The following SEMA6D variants were observed in gnomAD, a reference collection of about 807,000 sequenced individuals.
The protein encoded by SEMA6D is semaphorin-6D.
Under a neutral mutation model 106.6 loss-of-function variants are expected in SEMA6D, and 35 were observed. That is an observed-to-expected ratio of 0.33 (90% CI 0.25 to 0.44). The LOEUF (loss-of-function observed/expected upper bound fraction) is 0.44. SEMA6D is among the 20% of genes least tolerant of loss of function. The pLI, the probability that SEMA6D is intolerant of heterozygous loss-of-function variation, is 1.00. For synonymous variants in SEMA6D, 499 were observed against 487.7 expected, an observed-to-expected ratio of 1.02 and a Z score of -0.31; for missense variants, 1,185 against 1,345.9, an observed-to-expected ratio of 0.88 and a Z score of 1.87.
At chr15:47,677,176 G>A (rs1402474653) in intron 4 of SEMA6D, among the ~76,000 whole-genome samples, 1 of 152,150 alleles carries the variant, frequency 6.6e-6, no homozygotes, top group African/African-American at 2.4e-5. Flanking sequence ...GTACCAGTCT[G>A]CGACCTGGAG....
chr15:47,230,626 C>T (rs1306491845), intron 1 of SEMA6D, among the ~76,000 whole-genome samples: 2 of 152,038 alleles, frequency 1.3e-5, no homozygotes, highest in African/African-American at 4.8e-5. Context: ...TTATACTCTG[C>T]TTTCTAAGTC....
intron 3 of SEMA6D, among the ~76,000 whole-genome samples, chr15:47,560,798 G>A (rs1406288011): frequency 6.6e-6 from 1 of 151,942 alleles, no homozygotes; most frequent in African/African-American, 2.4e-5. Flanking sequence ...CCTTATAAAA[G>A]GGGGAACTTT....
intron 1 of SEMA6D, among the ~76,000 whole-genome samples, chr15:47,389,484 C>A (rs1329043679): frequency 6.6e-6 from 1 of 151,692 alleles, no homozygotes; most frequent in Non-Finnish European, 1.5e-5. Flanking sequence ...TTCTAGGAAT[C>A]CACTCACTCA....
chr15:47,417,900 A>T (rs763740456), intron 2 of SEMA6D, among the ~76,000 whole-genome samples: 1 of 151,774 alleles, frequency 6.6e-6, no homozygotes, highest in Non-Finnish European at 1.5e-5. Context: ...TGTTTTGTGT[A>T]TTGGGGATAC....
intron 3 of SEMA6D, among the ~76,000 whole-genome samples, chr15:47,552,721 A>G (rs1292969017): frequency 7.3e-6 from 1 of 136,670 alleles, no homozygotes; most frequent in Non-Finnish European, 1.5e-5. Context: ...GAGACATTTC[A>G]TCAGCACAAA....
At chr15:47,622,185 G>C (rs575376073) in intron 4 of SEMA6D, among the ~76,000 whole-genome samples, 99 of 145,914 alleles carry the variant, frequency 6.8e-4, no homozygotes, top group Non-Finnish European at 1.2e-3. Context: ...CTATGCATAT[G>C]CAGGTGAAAC....
At chr15:47,765,190 T>C (rs771130074) in intron 13 of SEMA6D, 134 bp downstream of exon 13, 12 of 1,434,318 alleles carry the variant, frequency 8.4e-6, no homozygotes, top group Non-Finnish European at 1.0e-5. Flanking sequence ...TTTTTTCTCA[T>C]TGAAATAAAT....
At chr15:47,502,481 G>A (rs570298705) in intron 3 of SEMA6D, among the ~76,000 whole-genome samples, 3 of 152,264 alleles carry the variant, frequency 2.0e-5, no homozygotes, top group South Asian at 2.1e-4. Context: ...GCCACCACAT[G>A]GAAAGAAAGA....
intron 1 of SEMA6D, among the ~76,000 whole-genome samples, chr15:47,309,548 A>G (rs990842973): frequency 6.6e-6 from 1 of 152,166 alleles, no homozygotes; most frequent in Non-Finnish European, 1.5e-5. Flanking sequence ...GGAAAAGGTG[A>G]AAACTCTCAA....
chr15:47,482,236 A>G (rs1029790755), intron 3 of SEMA6D, among the ~76,000 whole-genome samples: 3 of 152,282 alleles, frequency 2.0e-5, no homozygotes, highest in Admixed American at 2.0e-4. Context: ...AATATTTTTG[A>G]GGAAGATTTT....
chr15:47,524,090 A>T (rs544920259), intron 3 of SEMA6D, among the ~76,000 whole-genome samples: 1 of 152,294 alleles, frequency 6.6e-6, no homozygotes, highest in South Asian at 2.1e-4. Context: ...CTTCAGTGAG[A>T]TATCTATCAT....
chr15:47,372,809 G>A (rs936982154), intron 1 of SEMA6D, among the ~76,000 whole-genome samples: 2 of 152,166 alleles, frequency 1.3e-5, no homozygotes, highest in Admixed American at 6.5e-5. Flanking sequence ...CCCAAGCTAC[G>A]TTTTCACTAG....
intron 1 of SEMA6D, among the ~76,000 whole-genome samples, chr15:47,289,393 CAAAAAA>C (rs746946975): frequency 2.1e-5 from 1 of 46,558 alleles, no homozygotes; most frequent in East Asian, 5.7e-4. Flanking sequence ...AACTCCATCT[CAAAAAA>C]AAAAAAAAAA....
intron 1 of SEMA6D, among the ~76,000 whole-genome samples, chr15:47,300,930 A>G (rs1331664944): frequency 6.6e-6 from 1 of 152,240 alleles, no homozygotes; most frequent in Non-Finnish European, 1.5e-5. Flanking sequence ...GGACTACTGC[A>G]TCTTATTGCC....
intron 3 of SEMA6D, among the ~76,000 whole-genome samples, chr15:47,598,299 G>C (rs1401833334): frequency 1.3e-5 from 2 of 152,094 alleles, no homozygotes; most frequent in Non-Finnish European, 2.9e-5. Context: ...TGAAAGATTT[G>C]TGCTGTCCCA....
intron 16 of SEMA6D, 101 bp from the exon 17 acceptor site, chr15:47,766,936 T>C (rs1000852546): frequency 2.9e-6 from 2 of 682,448 alleles, no homozygotes; most frequent in South Asian, 2.0e-5. Context: ...TTTTAATTTA[T>C]AGTCTTTTTT....
intron 3 of SEMA6D, among the ~76,000 whole-genome samples, chr15:47,513,201 C>A (rs1047522192): frequency 3.3e-5 from 5 of 151,836 alleles, no homozygotes; most frequent in Admixed American, 6.6e-5. Flanking sequence ...AAAGTGGCCC[C>A]CATCATCTGA....
chr15:47,511,967 T>A (rs2044249031), intron 3 of SEMA6D, among the ~76,000 whole-genome samples: 1 of 152,228 alleles, frequency 6.6e-6, no homozygotes, highest in African/African-American at 2.4e-5. Flanking sequence ...TTAATGACTG[T>A]TACATTATTT....
At chr15:47,437,434 G>A (rs2041754991) in intron 2 of SEMA6D, among the ~76,000 whole-genome samples, 1 of 152,082 alleles carries the variant, frequency 6.6e-6, no homozygotes, top group Non-Finnish European at 1.5e-5. Flanking sequence ...TGTCAGAAAA[G>A]TTTTTGAATA....
Sources: gnomAD v4.1 joint callset for allele counts (sites outside exome capture counted in the v4.1 genomes callset) on GRCh38, gnomAD v4.1.1 for gene constraint, MANE v1.5 for transcripts, NCBI Gene and HGNC (gene_info 2026-07-23, HGNC 2026-07-21) for gene names.